The following AMPH variants were observed in gnomAD, a reference collection of about 807,000 sequenced individuals.
AMPH encodes amphiphysin, also known as amphiphysin (Stiff-Mann syndrome with breast cancer 128kD autoantigen).
Under a neutral mutation model 99.1 loss-of-function variants are expected in AMPH, and 49 were observed. The ratio of observed to expected loss-of-function variants is 0.49; its 90% CI spans 0.39 to 0.63. The LOEUF (loss-of-function observed/expected upper bound fraction) is 0.63. Ranked by LOEUF, AMPH falls within the 20% of genes least tolerant of loss-of-function variation. The pLI is 0.00. For missense variants in AMPH, 759 were observed against 863.4 expected (o/e 0.88, Z 1.52); for synonymous variants, 314 against 317.3 (o/e 0.99, Z 0.11).
Position 38,605,534 on chromosome 7 carries a change from T to C in AMPH, c.69+25749A>G, listed in dbSNP as rs749499807. Among the ~76,000 whole-genome samples the C allele has an allele frequency of 2.0e-5, 3 of 152,148 alleles. No individual in the cohort carries two copies. The East Asian group carries it at 5.8e-4, about 29-fold the overall frequency. ...GATTTTTAGAATTTTGATCCAATAT[T>C]CACTGGAGACTTATAATGGTTTTCT... On this transcript the variant is annotated intron_variant, in intron 1 of 20. Coordinates refer to ENST00000356264, the MANE Select transcript of AMPH (RefSeq NM_001635.4).
chr7:38,388,556 A>G (rs1784406933), intron 20 of AMPH, among the ~76,000 whole-genome samples: 1 of 151,096 alleles, frequency 6.6e-6, no homozygotes, highest in African/African-American at 2.4e-5. Context: ...AACTCACACT[A>G]TGATTTATTT....
intron 1 of AMPH, among the ~76,000 whole-genome samples, chr7:38,621,950 C>G (rs778287340): frequency 1.3e-5 from 2 of 152,298 alleles, no homozygotes; most frequent in East Asian, 3.9e-4. Context: ...GATGTTTCAG[C>G]ATTTCCATGT....
In AMPH at chr7:38,391,146, C is replaced by A. The variant is rs1196383206; in HGVS notation, c.1878+602G>T. Among the ~76,000 whole-genome samples the A allele has an allele frequency of 2.0e-5, 3 of 152,122 alleles. No individual in the cohort carries two copies. The East Asian group carries it at 5.8e-4, about 29-fold the overall frequency. Reference sequence around the variant, plus strand: ...GAGACAGGAAACACTTAGGTTAAGCCAGTGTTTTTAGGTATTTACTAAGTT... The same window carrying A: ...GAGACAGGAAACACTTAGGTTAAGCAAGTGTTTTTAGGTATTTACTAAGTT... On this transcript the variant is annotated intron_variant, in intron 19 of 20. Transcript: ENST00000356264.
intron 1 of AMPH, among the ~76,000 whole-genome samples, chr7:38,581,469 T>C (rs1461463660): frequency 6.6e-6 from 1 of 152,084 alleles, no homozygotes; most frequent in East Asian, 1.9e-4. Flanking sequence ...GGAAGGGTTA[T>C]AAGAGGTAAT....
chr7:38,426,581 T>C (rs977936764), intron 15 of AMPH, among the ~76,000 whole-genome samples: 2 of 152,210 alleles, frequency 1.3e-5, no homozygotes, highest in Non-Finnish European at 2.9e-5. Context: ...AGCTCTTCTT[T>C]AGAACAGCTG....
At chr7:38,579,575 G>A (rs914981547) in intron 1 of AMPH, among the ~76,000 whole-genome samples, 2 of 152,134 alleles carry the variant, frequency 1.3e-5, no homozygotes, top group Admixed American at 6.6e-5. Flanking sequence ...TTCAGGTATC[G>A]GTTGGCATGA....
intron 1 of AMPH, among the ~76,000 whole-genome samples, chr7:38,610,327 A>AAAG (rs765561293): frequency 2.4e-5 from 1 of 41,196 alleles, no homozygotes. Context: ...AAAAGAAAAG[A>AAAG]AAAGAAAAAA....
intron 1 of AMPH, among the ~76,000 whole-genome samples, chr7:38,573,508 A>G (rs1222594906): frequency 9.9e-5 from 15 of 152,222 alleles, no homozygotes; most frequent in Admixed American, 6.5e-4. Flanking sequence ...TTTAAAGCCT[A>G]TTAACTCCAT....
chr7:38,459,735 A>G (rs1787368486), intron 11 of AMPH, among the ~76,000 whole-genome samples: 1 of 152,082 alleles, frequency 6.6e-6, no homozygotes, highest in Non-Finnish European at 1.5e-5. Context: ...CAAAACTATA[A>G]AACAACTAGA....
At chr7:38,552,033 A>C (rs1035283023) in intron 1 of AMPH, among the ~76,000 whole-genome samples, 1 of 152,240 alleles carries the variant, frequency 6.6e-6, no homozygotes, top group Non-Finnish European at 1.5e-5. Flanking sequence ...CATTTAAATA[A>C]TTCACTCTCA....
chr7:38,541,397 TA>T (rs1341228771), intron 1 of AMPH, among the ~76,000 whole-genome samples: 4 of 152,138 alleles, frequency 2.6e-5, no homozygotes, highest in Admixed American at 2.0e-4. Context: ...TGTCAGGACT[TA>T]AGGAAGTGGA....
intron 11 of AMPH, among the ~76,000 whole-genome samples, chr7:38,437,638 A>G (rs1562754749): frequency 2.1e-5 from 3 of 141,614 alleles, no homozygotes. Context: ...AAAAAAAAAA[A>G]AAAAAGAAAA....
At chr7:38,462,013 T>C (rs1787468628) in intron 10 of AMPH, among the ~76,000 whole-genome samples, 1 of 152,234 alleles carries the variant, frequency 6.6e-6, no homozygotes, top group African/African-American at 2.4e-5. Context: ...TTCAGCAGAA[T>C]GTGTGAAAAC....
intron 1 of AMPH, among the ~76,000 whole-genome samples, chr7:38,613,756 G>A (rs991452002): frequency 2.6e-5 from 4 of 151,068 alleles, no homozygotes; most frequent in African/African-American, 9.8e-5. Flanking sequence ...AATTTCAAAC[G>A]GTTCAAAGTA....
chr7:38,555,833 T>C (rs1370165081), intron 1 of AMPH, among the ~76,000 whole-genome samples: 1 of 152,208 alleles, frequency 6.6e-6, no homozygotes, highest in African/African-American at 2.4e-5. Context: ...TAAGCATATA[T>C]ACTTTAGATA....
At position 38,551,261 on chromosome 7, in the gene AMPH, C is replaced by T. The variant is rs1791170953; in HGVS notation, c.70-16250G>A. On this transcript the variant is annotated intron_variant, in intron 1 of 20. Coordinates refer to ENST00000356264, the MANE Select transcript of AMPH (RefSeq NM_001635.4). ...AACTCTATCTTGTGTGCCATAGCAT[C>T]ATTAACAATGAACCAATCTTCACTT... is the stretch of plus-strand genomic sequence containing the variant. Among the ~76,000 whole-genome samples, 3 of 152,122 alleles carry T rather than the reference C, an allele frequency of 2.0e-5. No homozygotes were observed. In the South Asian group the frequency reaches 6.2e-4, roughly 32 times the overall value.
At chr7:38,553,960 C>T (rs1791270890) in intron 1 of AMPH, among the ~76,000 whole-genome samples, 1 of 152,334 alleles carries the variant, frequency 6.6e-6, no homozygotes, top group East Asian at 1.9e-4. Context: ...GCTCTTTAAG[C>T]ATCACTAGAC....
chr7:38,593,990 T>C (rs1164948343), intron 1 of AMPH, among the ~76,000 whole-genome samples: 4 of 152,064 alleles, frequency 2.6e-5, no homozygotes, highest in African/African-American at 7.2e-5. Context: ...CCGGACAACA[T>C]GGAGAGCCAA....
chr7:38,477,299 A>G (rs963061721), intron 5 of AMPH, among the ~76,000 whole-genome samples: 5 of 152,182 alleles, frequency 3.3e-5, no homozygotes, highest in African/African-American at 1.2e-4. Context: ...ATTATTCTCT[A>G]GTCGAAATCT....
Sources: gnomAD v4.1 joint callset for allele counts (sites outside exome capture counted in the v4.1 genomes callset) on GRCh38, gnomAD v4.1.1 for gene constraint, MANE v1.5 for transcripts, NCBI Gene and HGNC (gene_info 2026-07-23, HGNC 2026-07-21) for gene names.